The following PTPN3 variants were observed in gnomAD, a reference collection of about 807,000 sequenced individuals.
The protein encoded by PTPN3 is tyrosine-protein phosphatase non-receptor type 3.
Under a neutral mutation model 132.7 loss-of-function variants are expected in PTPN3, and 96 were observed. The observed-to-expected ratio is 0.72, with a 90% CI of 0.61 to 0.86. PTPN3 has a LOEUF of 0.86. Ranked by LOEUF, PTPN3 falls within the 40% of genes least tolerant of loss-of-function variation. The pLI, the probability that PTPN3 is intolerant of heterozygous loss-of-function variation, is 0.00. For missense variants in PTPN3, 1,125 were observed against 1,159.6 expected (o/e 0.97, Z 0.43); for synonymous variants, 398 against 429.0 (o/e 0.93, Z 0.89).
At chr9:109,399,764 G>A (rs80201259) in intron 19 of PTPN3, among the ~76,000 whole-genome samples, 4,439 of 151,994 alleles carry the variant, frequency 0.029, 118 homozygotes, top group East Asian at 0.15. Context: ...GGAGTGGGTG[G>A]TGTGGACACC....
intron 1 of PTPN3, among the ~76,000 whole-genome samples, chr9:109,485,801 C>T (rs1847181267): frequency 6.6e-6 from 1 of 152,186 alleles, no homozygotes; most frequent in South Asian, 2.1e-4. Flanking sequence ...CAGTGTGTAC[C>T]TCTTTAAAGG....
chr9:109,447,139 C>T lies in PTPN3; in HGVS notation c.413+1672G>A, dbSNP rs544088252. On this transcript the variant is annotated intron_variant, in intron 6 of 25. Coordinates refer to ENST00000374541, the MANE Select transcript of PTPN3 (RefSeq NM_002829.4). Reference sequence around the variant, plus strand: ...AGGATGTGGCCTTAACAGATTTGCCCTGATTCACATGGAAATAACAAGGGG... The same window carrying T: ...AGGATGTGGCCTTAACAGATTTGCCTTGATTCACATGGAAATAACAAGGGG... Among the ~76,000 whole-genome samples the T allele has an allele frequency of 6.6e-5, 10 of 152,258 alleles. No individual in the cohort carries two copies. The East Asian group carries it at 1.9e-3, about 29-fold the overall frequency.
chr9:109,444,080 T>C (rs1488325274), intron 7 of PTPN3, among the ~76,000 whole-genome samples: 1 of 152,040 alleles, frequency 6.6e-6, no homozygotes, highest in African/African-American at 2.4e-5. Context: ...GGGTGTGTAG[T>C]TCAGCCAGTG....
chr9:109,389,126 C>T (rs1199847283), intron 22 of PTPN3, 107 bp downstream of exon 22: 20 of 1,416,484 alleles, frequency 1.4e-5, no homozygotes, highest in East Asian at 2.4e-5. Context: ...GGGTCACATA[C>T]GGGCTGGACC....
chr9:109,529,266 G>A, the PTPN3 span, among the ~76,000 whole-genome samples: 1 of 152,220 alleles, frequency 6.6e-6, no homozygotes, highest in South Asian at 2.1e-4. Flanking sequence ...TCAATCAGCT[G>A]CATCAGCACC....
chr9:109,450,670 G>C (rs1588448722), intron 5 of PTPN3: 1 of 984,866 alleles, frequency 1.0e-6, no homozygotes, highest in African/African-American at 1.7e-5. Flanking sequence ...TGCAAAGAAT[G>C]ATCTAAATTT....
Position 109,391,522 on chromosome 9 carries a change from C to T in PTPN3, c.1993G>A (p.Ala665Thr). The change falls in exon 20 of 26, where the codon GCA becomes ACA. Residue 665 changes from alanine to threonine, a missense_variant. Physicochemically the swap from Ala to Thr is moderately conservative, Grantham distance 58 (BLOSUM62 0). Coordinates refer to ENST00000374541, the MANE Select transcript of PTPN3 (RefSeq NM_002829.4). Reference protein sequence around the residue: ...RKKPGLAITFAKLPQNLDKNR... With the variant: ...RKKPGLAITFTKLPQNLDKNR... ...TTGTCCAAATTTTGAGGCAGCTTTG[C>T]AAACGTGATGGCCAAACCTGGCTTT... 1 of 1,613,972 alleles carries T rather than the reference C, an allele frequency of 6.2e-7. No homozygotes were observed. Among genetic ancestry groups the T allele is most frequent in the Non-Finnish European group, 8.5e-7 (1 of 1,179,956 alleles).
chr9:109,522,414 A>G, the PTPN3 span, among the ~76,000 whole-genome samples: 4 of 152,236 alleles, frequency 2.6e-5, no homozygotes, highest in African/African-American at 9.6e-5. Flanking sequence ...CAGTGAATAA[A>G]GAGGCCTCGA....
At chr9:109,411,089 T>G (rs1247402358) in intron 14 of PTPN3, among the ~76,000 whole-genome samples, 2 of 152,226 alleles carry the variant, frequency 1.3e-5, no homozygotes, top group Non-Finnish European at 2.9e-5. Context: ...ATACTTCACA[T>G]GCTCACTAGC....
chr9:109,481,782 C>T (rs948672191), intron 1 of PTPN3, among the ~76,000 whole-genome samples: 9 of 152,232 alleles, frequency 5.9e-5, no homozygotes, highest in Non-Finnish European at 8.8e-5. Flanking sequence ...ACCCCATACT[C>T]AGTGTGTAGC....
At position 109,376,041 on chromosome 9, in the gene PTPN3, TGAGG is replaced by T. The variant is rs1371804127; in HGVS notation, c.*3511_*3514del. On this transcript the variant is annotated 3_prime_UTR_variant, in exon 26 of 26. Transcript: ENST00000374541. ...CTTTGCATTCAACAGCGCCAAAGTC[TGAGG>T]GACAAACTCTTGGTGACAAGTCTCA... The T allele has an allele frequency of 1.3e-5, 2 of 152,236 alleles. No individual in the cohort carries two copies. The highest frequency in any genetic ancestry group is 2.9e-5 in the Non-Finnish European group (2 of 68,040). The allele number at this position is 152,236 out of a possible 1,614,324, so 9.4% of individuals were successfully genotyped here.
the PTPN3 span, among the ~76,000 whole-genome samples, chr9:109,514,077 C>G: frequency 1.3e-5 from 2 of 151,848 alleles, no homozygotes; most frequent in Non-Finnish European, 2.9e-5. Context: ...AGATCTCCCT[C>G]TCTCTTGCCA....
chr9:109,535,662 A>G, the PTPN3 span, among the ~76,000 whole-genome samples: 1 of 152,060 alleles, frequency 6.6e-6, no homozygotes, highest in African/African-American at 2.4e-5. Context: ...GCGTGCCACC[A>G]TGCCCAGCTA....
chr9:109,449,140 C>T (rs997161770), intron 5 of PTPN3: 2 of 1,228,078 alleles, frequency 1.6e-6, no homozygotes, highest in African/African-American at 1.6e-5. Context: ...TGGAAACAGC[C>T]CACCAAAGAT....
intron 7 of PTPN3, among the ~76,000 whole-genome samples, chr9:109,443,602 G>T (rs201136307): frequency 2.6e-5 from 4 of 152,202 alleles, no homozygotes; most frequent in Admixed American, 2.6e-4. Context: ...CACCAAACTT[G>T]CTCTGAGACA....
At chr9:109,464,564 A>T (rs1015674096) in intron 1 of PTPN3, among the ~76,000 whole-genome samples, 28 of 152,294 alleles carry the variant, frequency 1.8e-4, no homozygotes, top group African/African-American at 5.8e-4. Context: ...GCTAAAAAAA[A>T]TTTTTTTTAA....
the PTPN3 span, among the ~76,000 whole-genome samples, chr9:109,504,849 C>T: frequency 2.6e-5 from 4 of 152,298 alleles, no homozygotes; most frequent in African/African-American, 7.2e-5. Context: ...TGGAAGATGG[C>T]GTCCTGAACT....
the PTPN3 span, among the ~76,000 whole-genome samples, chr9:109,518,546 C>A: frequency 6.6e-6 from 1 of 152,170 alleles, no homozygotes; most frequent in Non-Finnish European, 1.5e-5. Flanking sequence ...TGCCATCTCC[C>A]AATCACCGTA....
intron 2 of PTPN3, among the ~76,000 whole-genome samples, chr9:109,462,522 G>A (rs1198207201): frequency 6.6e-6 from 1 of 152,094 alleles, no homozygotes; most frequent in Non-Finnish European, 1.5e-5. Context: ...GCAGATCCTA[G>A]CAGCCAGTTC....
Sources: allele counts gnomAD v4.1 joint callset (sites outside exome capture counted in the v4.1 genomes callset), GRCh38; gene constraint gnomAD v4.1.1; transcripts MANE v1.5; gene names NCBI Gene and HGNC (gene_info 2026-07-23, HGNC 2026-07-21).